The following LGI2 variants were observed in gnomAD, a reference collection of about 807,000 sequenced individuals.
LGI2 encodes leucine rich repeat LGI family member 2.
Under a neutral mutation model 52.0 loss-of-function variants are expected in LGI2, and 30 were observed. The observed-to-expected ratio is 0.58, with a 90% CI of 0.43 to 0.78. The LOEUF is 0.78. Among genes scored for constraint, LGI2 ranks in the 30% least tolerant of loss-of-function variants. The pLI is 0.00. For synonymous variants in LGI2, 270 were observed against 271.8 expected (o/e 0.99, Z 0.06); for missense variants, 573 against 692.5 (o/e 0.83, Z 1.94).
rs1725226963 is a variant in LGI2 at position 25,001,062 on chromosome 4, T to C, written c.*2389A>G. 6.6e-6 allele frequency: 1 copy of C among 152,380 alleles called. No homozygotes were observed. The highest frequency in any genetic ancestry group is 1.5e-5 in the Non-Finnish European group (1 of 68,056). 9.4% of individuals were successfully genotyped at this position (152,380 alleles called of 1,614,324 possible). ...ATAAAAAAGGAAAACCTGATTGCAG[T>C]TGAGTGGGTCACCCCCTTCTCACAC... On this transcript the variant is annotated 3_prime_UTR_variant, in exon 8 of 8. Transcript: ENST00000382114.
At chr4:25,028,905 G>T (rs747878644) in intron 1 of LGI2, among the ~76,000 whole-genome samples, 1 of 152,068 alleles carries the variant, frequency 6.6e-6, no homozygotes, top group Non-Finnish European at 1.5e-5. Context: ...ATGGATAATC[G>T]CTTCACCTCT....
At chr4:24,992,384 T>G in the LGI2 span, among the ~76,000 whole-genome samples, 7 of 152,038 alleles carry the variant, frequency 4.6e-5, no homozygotes, top group Non-Finnish European at 8.8e-5. Flanking sequence ...CAGTGACTAC[T>G]GGCTACTCAC....
At chr4:25,015,461 G>C (rs1463768874) in intron 6 of LGI2, among the ~76,000 whole-genome samples, 2 of 152,134 alleles carry the variant, frequency 1.3e-5, no homozygotes, top group Non-Finnish European at 2.9e-5. Flanking sequence ...CCCAATGGTG[G>C]CTTTGTGATA....
chr4:25,015,838 G>A (rs1725740166), intron 6 of LGI2, among the ~76,000 whole-genome samples: 2 of 152,126 alleles, frequency 1.3e-5, no homozygotes, highest in South Asian at 4.1e-4. Flanking sequence ...GCCTATGTTT[G>A]GGGGTGGATC....
intron 4 of LGI2, among the ~76,000 whole-genome samples, chr4:25,023,312 A>G (rs1726034904): frequency 6.6e-6 from 1 of 152,202 alleles, no homozygotes; most frequent in African/African-American, 2.4e-5. Context: ...CAAGCCCACA[A>G]TTGTAGTCTC....
chr4:25,020,399 AC>A (rs1402785011), intron 4 of LGI2, among the ~76,000 whole-genome samples: 1 of 152,224 alleles, frequency 6.6e-6, no homozygotes, highest in Non-Finnish European at 1.5e-5. Context: ...ATGAATGTCC[AC>A]GGTGCAGGGC....
At chr4:24,995,503 A>T (rs1485221565), downstream of LGI2, among the ~76,000 whole-genome samples, 1 of 152,120 alleles carries the variant, frequency 6.6e-6, no homozygotes, top group Admixed American at 6.5e-5. Flanking sequence ...AAGTTGGTTC[A>T]CTCCCATGGT....
At chr4:25,005,342 T>C (rs2109404818) in intron 7 of LGI2, among the ~76,000 whole-genome samples, 1 of 152,302 alleles carries the variant, frequency 6.6e-6, no homozygotes, top group Non-Finnish European at 1.5e-5. Flanking sequence ...AAAATGTGCT[T>C]CCGTAGAAAT....
chr4:24,994,401 T>C (rs1235720020), downstream of LGI2, among the ~76,000 whole-genome samples: 3 of 152,308 alleles, frequency 2.0e-5, no homozygotes, highest in East Asian at 3.9e-4. Flanking sequence ...AAGGCTTGAT[T>C]CCTACTCCTG....
In LGI2 at chr4:25,019,245, C is replaced by T. The variant is rs1725870500; in HGVS notation, c.414-7G>A. On this transcript the variant is annotated splice_polypyrimidine_tract_variant and splice_region_variant and intron_variant, in intron 4 of 7. Transcript: ENST00000382114. ...GTGGTTATTGGCCAAAGAACTAGAA[C>T]AAGAAAGTCACATTGCAATGTGATT... The T allele has an allele frequency of 2.5e-6, 4 of 1,592,646 alleles. No homozygotes were observed. The highest frequency in any genetic ancestry group is 4.5e-5 in the East Asian group (2 of 44,618).
intron 7 of LGI2, among the ~76,000 whole-genome samples, chr4:25,011,459 G>T (rs904773889): frequency 6.6e-6 from 1 of 152,036 alleles, no homozygotes; most frequent in South Asian, 2.1e-4. Context: ...GTGAGATAAG[G>T]CTCATTAGCA....
intron 4 of LGI2, among the ~76,000 whole-genome samples, chr4:25,022,623 A>G (rs913785269): frequency 2.6e-5 from 4 of 152,226 alleles, no homozygotes; most frequent in African/African-American, 9.6e-5. Flanking sequence ...TGTACACATG[A>G]TAACAAATGA....
rs1265156442 is a variant in LGI2, at chr4:25,003,202, T to C, written c.*249A>G. ...TTCTAGATGATAAGAGTAAATGCTG[T>C]ACTCTTTTCTCAGAAATTACAGGCT... On this transcript the variant is annotated 3_prime_UTR_variant, in exon 8 of 8. Coordinates refer to ENST00000382114, the MANE Select transcript of LGI2 (RefSeq NM_018176.4). 1 of 410,174 alleles carries C rather than the reference T, an allele frequency of 2.4e-6. No individual in the cohort carries two copies. The highest frequency in any genetic ancestry group is 4.3e-6 in the Non-Finnish European group (1 of 234,132). 25.4% of individuals were successfully genotyped at this position (410,174 alleles called of 1,614,324 possible).
chr4:25,000,735 C>G lies in LGI2; in HGVS notation c.*2716G>C, dbSNP rs1393661304. 1 of 152,212 alleles carries G rather than the reference C, an allele frequency of 6.6e-6. No individual in the cohort carries two copies. Among genetic ancestry groups the G allele is most frequent in the Non-Finnish European group, 1.5e-5 (1 of 68,048 alleles). 9.4% of individuals were successfully genotyped at this position (152,212 alleles called of 1,614,324 possible). A position where few individuals can be genotyped will look rare whatever the true frequency, so the allele number is the denominator to read the frequency against. On this transcript the variant is annotated 3_prime_UTR_variant, in exon 8 of 8. Coordinates refer to ENST00000382114, the MANE Select transcript of LGI2 (RefSeq NM_018176.4). ...ATGGGAGGGAAAGTAGAAGAAAGATCCACCCCCTCCTTCAAGCTGATCTCC... is the reference window on the plus strand; with the variant it reads ...ATGGGAGGGAAAGTAGAAGAAAGATGCACCCCCTCCTTCAAGCTGATCTCC...
At chr4:25,006,388 T>C (rs1725394234) in intron 7 of LGI2, among the ~76,000 whole-genome samples, 1 of 152,180 alleles carries the variant, frequency 6.6e-6, no homozygotes, top group African/African-American at 2.4e-5. Context: ...TTCTAGGTAA[T>C]TTGGACCAAA....
At chr4:24,992,900 T>TAG in the LGI2 span, among the ~76,000 whole-genome samples, 1 of 152,216 alleles carries the variant, frequency 6.6e-6, no homozygotes. Flanking sequence ...ACTTGGCACT[T>TAG]ACAATGCTGA....
At chr4:25,009,150 T>G (rs1201927962) in intron 7 of LGI2, among the ~76,000 whole-genome samples, 1 of 152,192 alleles carries the variant, frequency 6.6e-6, no homozygotes, top group Non-Finnish European at 1.5e-5. Flanking sequence ...TGTAGGACAT[T>G]CAGAGGAAAA....
At chr4:25,028,424 C>G in intron 2 of LGI2, 83 bp downstream of exon 2, 1 of 1,277,864 alleles carries the variant, frequency 7.8e-7, no homozygotes, top group South Asian at 1.3e-5. Flanking sequence ...TTAGGAAGGG[C>G]TGATACCAAA....
chr4:25,012,527 C>A (rs373397185), intron 6 of LGI2, 28 bp from the exon 7 acceptor site: 1 of 1,609,602 alleles, frequency 6.2e-7, no homozygotes, highest in Non-Finnish European at 8.5e-7. Context: ...AAAAGAAAAG[C>A]GTTCATAAAA....
Sources: gnomAD v4.1 joint callset for allele counts (sites outside exome capture counted in the v4.1 genomes callset) on GRCh38, gnomAD v4.1.1 for gene constraint, MANE v1.5 for transcripts, NCBI Gene and HGNC (gene_info 2026-07-23, HGNC 2026-07-21) for gene names.